HNRNPUL2: variants seen among roughly 807,000 people sequenced by gnomAD.
HNRNPUL2 encodes the protein heterogeneous nuclear ribonucleoprotein U like 2, also known as heterogeneous nuclear ribonucleoprotein U-like protein 2.
Under a neutral mutation model 102.2 loss-of-function variants are expected in HNRNPUL2, and 27 were observed. That is an observed-to-expected ratio of 0.26 (90% CI 0.19 to 0.36). HNRNPUL2 has a LOEUF of 0.36. HNRNPUL2 is among the 10% of genes least tolerant of loss of function. HNRNPUL2 has a pLI of 1.00. For missense variants in HNRNPUL2, 936 were observed against 981.1 expected, an observed-to-expected ratio of 0.95 and a Z score of 0.61; for synonymous variants, 458 against 387.2, an observed-to-expected ratio of 1.18 and a Z score of -2.15.
intron 4 of HNRNPUL2, 103 bp from the exon 5 acceptor site, chr11:62,723,006 C>T (rs1158040584): frequency 3.8e-6 from 3 of 783,706 alleles, no homozygotes; most frequent in Non-Finnish European, 6.4e-6. Flanking sequence ...ACGACATTTA[C>T]CTCAACTCAA....
chr11:62,718,150 G>C (rs1406960533), intron 10 of HNRNPUL2, among the ~76,000 whole-genome samples: 1 of 152,126 alleles, frequency 6.6e-6, no homozygotes, highest in Non-Finnish European at 1.5e-5. Flanking sequence ...TATTTGAAGA[G>C]CAAGCAGTTG....
At position 62,726,898 on chromosome 11, in the gene HNRNPUL2, C is replaced by G; in HGVS notation, c.259G>C (p.Glu87Gln). The G allele has an allele frequency of 6.4e-7, 1 of 1,560,700 alleles. No homozygotes were observed. Among genetic ancestry groups the G allele is most frequent in the African/African-American group, 1.4e-5 (1 of 71,896 alleles). The change falls in exon 1 of 14, where the codon GAG becomes CAG. Residue 87 changes from glutamate (E) to glutamine (Q), a missense_variant. Physicochemically the swap from Glu to Gln is conservative, Grantham distance 29 (BLOSUM62 2). Transcript: ENST00000301785. ...EDEEEEEEDE[E>Q]ALLEDEDEEP... Reference sequence around the variant, plus strand: ...TCGTCCTCGTCCTCAAGCAGCGCCTCCTCGTCCTCCTCCTCCTCCTCTTCG... The same window carrying G: ...TCGTCCTCGTCCTCAAGCAGCGCCTGCTCGTCCTCCTCCTCCTCCTCTTCG...
chr11:62,713,503 A>G lies in HNRNPUL2; in HGVS notation c.*1796T>C, dbSNP rs2083634585. The G allele has an allele frequency of 6.6e-6, 1 of 152,262 alleles. No individual in the cohort carries two copies. Among genetic ancestry groups the G allele is most frequent in the Non-Finnish European group, 1.5e-5 (1 of 68,038 alleles). 9.4% of individuals were successfully genotyped at this position (152,262 alleles called of 1,614,324 possible). A position where few individuals can be genotyped will look rare whatever the true frequency, so the allele number is the denominator to read the frequency against. On this transcript the variant is annotated 3_prime_UTR_variant, in exon 14 of 14. Coordinates refer to ENST00000301785, the MANE Select transcript of HNRNPUL2 (RefSeq NM_001079559.3). The stretch of plus-strand genomic sequence containing the variant: ...AGGACACCGCAGGGAAGCAGGTGCC[A>G]AGAGAAAGGACATGACTATGAGTAA...
chr11:62,721,348 T>C lies in HNRNPUL2; in HGVS notation c.1558A>G (p.Ser520Gly), dbSNP rs1317662336. 1 of 1,610,506 alleles carries C rather than the reference T, an allele frequency of 6.2e-7. No homozygotes were observed. The highest frequency in any genetic ancestry group is 8.5e-7 in the Non-Finnish European group (1 of 1,178,930). Residue 520 changes from serine to glycine, a missense_variant, in exon 9 of 14, where the codon AGT becomes GGT. By Grantham distance (56) the Ser-to-Gly change is moderately conservative. Coordinates refer to ENST00000301785, the MANE Select transcript of HNRNPUL2 (RefSeq NM_001079559.3). ...CGGGAAGCAATCTGGACCAGCTTAC[T>C]AAGGCACTGGGAGGCTTGCTGAACT... ...LLVQQASQCL[S>G]KLVQIASRTK...
Position 62,712,657 on chromosome 11 carries a change from C to T in HNRNPUL2, c.*2642G>A, listed in dbSNP as rs2083628741. The T allele has an allele frequency of 6.6e-6, 1 of 152,212 alleles. No individual in the cohort carries two copies. Among genetic ancestry groups the T allele is most frequent in the Admixed American group, 6.5e-5 (1 of 15,284 alleles). The allele number at this position is 152,212 out of a possible 1,614,324, so 9.4% of individuals were successfully genotyped here. On this transcript the variant is annotated 3_prime_UTR_variant, in exon 14 of 14. Transcript: ENST00000301785. ...AATTCAATCCAAATGGTTATTTATT[C>T]TAAAACTGGAAGCTACTTTGCCTAC... is the stretch of plus-strand genomic sequence containing the variant.
Position 62,722,738 on chromosome 11 carries a change from C to T in HNRNPUL2, c.983-25G>A, listed in dbSNP as rs761741632. 4 of 1,606,956 alleles carry T rather than the reference C, an allele frequency of 2.5e-6. No individual in the cohort carries two copies. In the South Asian group the frequency reaches 3.3e-5, roughly 13 times the overall value. ...CCTAGAACAGTCAACAAATTAGTTACCTACAACCGGACTTCCCATAGAGTA... is the reference window on the plus strand; with the variant it reads ...CCTAGAACAGTCAACAAATTAGTTATCTACAACCGGACTTCCCATAGAGTA... On this transcript the variant is annotated intron_variant, in intron 5 of 13. Transcript: ENST00000301785.
intron 9 of HNRNPUL2, among the ~76,000 whole-genome samples, chr11:62,720,733 G>A (rs960975958): frequency 7.3e-5 from 11 of 150,972 alleles, no homozygotes; most frequent in African/African-American, 2.2e-4. Context: ...GCATGGTGGC[G>A]GGCACCTGTA....
intron 10 of HNRNPUL2, among the ~76,000 whole-genome samples, chr11:62,718,868 C>T (rs1470978293): frequency 2.0e-5 from 3 of 151,622 alleles, no homozygotes; most frequent in South Asian, 2.1e-4. Flanking sequence ...CTCTGTTGTC[C>T]AGGCTGGAGT....
intron 9 of HNRNPUL2, 51 bp downstream of exon 9, chr11:62,721,244 C>T (rs2083700317): frequency 2.0e-6 from 3 of 1,534,866 alleles, no homozygotes; most frequent in East Asian, 2.3e-5. Flanking sequence ...TTCAGTCTCT[C>T]TTTATATACA....
At position 62,715,519 on chromosome 11, in the gene HNRNPUL2, T is replaced by C; in HGVS notation, c.2144A>G (p.Tyr715Cys). ...ACTCACATCCCGATTGTATTGTCTG[T>C]AATAGTCTCTGTATCTGTTGTACTC... is the stretch of plus-strand genomic sequence containing the variant. Reference protein sequence around the residue: ...DYEYNRYRDYYRQYNRDWQSY... With the variant: ...DYEYNRYRDYCRQYNRDWQSY... Residue 715 changes from tyrosine (Y) to cysteine (C), a missense_variant, in exon 13 of 14, where the codon TAC becomes TGC. Coordinates refer to ENST00000301785, the MANE Select transcript of HNRNPUL2 (RefSeq NM_001079559.3). The C allele has an allele frequency of 6.2e-7, 1 of 1,611,638 alleles. No homozygotes were observed. Among genetic ancestry groups the C allele is most frequent in the Non-Finnish European group, 8.5e-7 (1 of 1,177,902 alleles).
chr11:62,723,922 A>G lies in HNRNPUL2; in HGVS notation c.743T>C (p.Leu248Pro). 1 of 1,614,016 alleles carries G rather than the reference A, an allele frequency of 6.2e-7. No homozygotes were observed. Among genetic ancestry groups the G allele is most frequent in the Non-Finnish European group, 8.5e-7 (1 of 1,179,844 alleles). Residue 248 changes from leucine (L) to proline (P), a missense_variant, in exon 3 of 14, where the codon CTG becomes CCG. Physicochemically the swap from Leu to Pro is moderately conservative, Grantham distance 98. Coordinates refer to ENST00000301785, the MANE Select transcript of HNRNPUL2 (RefSeq NM_001079559.3). ...GTCTGCCTTATACATACACGTGTCC[A>G]GGTTCACAAGAGTTTGATCCTCCTC... The part of the protein sequence containing the change: ...DEEEDQTLVN[L>P]DTYTSDLHFQ...
Position 62,721,356 on chromosome 11 carries a change from T to C in HNRNPUL2, c.1550A>G (p.Gln517Arg). The change falls in exon 9 of 14, where the codon CAG (glutamine) becomes CGG (arginine). Residue 517 changes from glutamine (Q) to arginine (R), a missense_variant. Physicochemically the swap from Gln to Arg is conservative, Grantham distance 43. Coordinates refer to ENST00000301785, the MANE Select transcript of HNRNPUL2 (RefSeq NM_001079559.3). ...AATCTGGACCAGCTTACTAAGGCACTGGGAGGCTTGCTGAACTAAAAGGTC... is the reference window on the plus strand; with the variant it reads ...AATCTGGACCAGCTTACTAAGGCACCGGGAGGCTTGCTGAACTAAAAGGTC... ...SRDLLVQQAS[Q>R]CLSKLVQIAS... The C allele has an allele frequency of 2.5e-6, 4 of 1,611,120 alleles. No homozygotes were observed. The highest frequency in any genetic ancestry group is 3.4e-6 in the Non-Finnish European group (4 of 1,179,046).
At position 62,717,032 on chromosome 11, in the gene HNRNPUL2, T is replaced by C; in HGVS notation, c.1938A>G (p.Arg646=). The C allele has an allele frequency of 6.2e-7, 1 of 1,613,884 alleles. No homozygotes were observed. Among genetic ancestry groups the C allele is most frequent in the Admixed American group, 1.7e-5 (1 of 59,986 alleles). The part of the protein sequence containing the change: ...SEKRTNRRNN[R]NKRNRQNRSR... Reference sequence around the variant, plus strand: ...TTCGGTTCTGCCGGTTACGCTTGTTTCGGTTGTTTCGGCGATTTGTCCGCT... The same window carrying C: ...TTCGGTTCTGCCGGTTACGCTTGTTCCGGTTGTTTCGGCGATTTGTCCGCT... Residue 646 remains arginine, a synonymous_variant, in exon 11 of 14, where the codon CGA becomes CGG. Coordinates refer to ENST00000301785, the MANE Select transcript of HNRNPUL2 (RefSeq NM_001079559.3).
intron 9 of HNRNPUL2, among the ~76,000 whole-genome samples, chr11:62,720,619 C>T (rs1036691778): frequency 6.7e-6 from 1 of 150,068 alleles, no homozygotes; most frequent in Non-Finnish European, 1.5e-5. Context: ...TATCCCAGCA[C>T]TTTGGGAGGC....
chr11:62,718,139 G>A (rs1313149949), intron 10 of HNRNPUL2, among the ~76,000 whole-genome samples: 1 of 152,128 alleles, frequency 6.6e-6, no homozygotes, highest in Non-Finnish European at 1.5e-5. Context: ...GGGATTATCA[G>A]TATTTGAAGA....
At chr11:62,724,241 C>T (rs753491095) in intron 2 of HNRNPUL2, 50 bp downstream of exon 2, 2 of 1,611,294 alleles carry the variant, frequency 1.2e-6, no homozygotes, top group Non-Finnish European at 8.5e-7. Flanking sequence ...ACCAGGTATA[C>T]CAAAATCAGA....
rs965872591 is a variant in HNRNPUL2 at position 62,727,228 on chromosome 11, G to C, written c.-72C>G. 7.7e-7 allele frequency: 1 copy of C among 1,298,120 alleles called. No homozygotes were observed. The highest frequency in any genetic ancestry group is 9.7e-7 in the Non-Finnish European group (1 of 1,025,676). 80.4% of individuals were successfully genotyped at this position (1,298,120 alleles called of 1,614,324 possible). A position where few individuals can be genotyped will look rare whatever the true frequency, so the allele number is the denominator to read the frequency against. On this transcript the variant is annotated 5_prime_UTR_variant, in exon 1 of 14. Coordinates refer to ENST00000301785, the MANE Select transcript of HNRNPUL2 (RefSeq NM_001079559.3). The stretch of plus-strand genomic sequence containing the variant: ...CCGTCGACCGAGTCCGACCGCGCAG[G>C]CGCCGCCGCCGCCGCCCGCCTCCGC...
chr11:62,715,650 T>C (rs1298488144), intron 12 of HNRNPUL2, 43 bp from the exon 13 acceptor site: 2 of 1,456,430 alleles, frequency 1.4e-6, no homozygotes, highest in Admixed American at 1.7e-5. Flanking sequence ...TATGGGTTTT[T>C]GGCAGCATGA....
In HNRNPUL2 at chr11:62,727,236, GCCGCCGC is replaced by G. The variant is rs1387586356; in HGVS notation, c.-87_-81del. 1.5e-6 allele frequency: 2 copies of G among 1,302,466 alleles called. No individual in the cohort carries two copies. 80.7% of individuals were successfully genotyped at this position (1,302,466 alleles called of 1,614,324 possible). ...CGAGTCCGACCGCGCAGGCGCCGCC[GCCGCCGC>G]CCGCCTCCGCCTCACGCGCCAGCAC... On this transcript the variant is annotated 5_prime_UTR_variant, in exon 1 of 14. Coordinates refer to ENST00000301785, the MANE Select transcript of HNRNPUL2 (RefSeq NM_001079559.3).
Sources: gnomAD v4.1 joint callset for allele counts (sites outside exome capture counted in the v4.1 genomes callset) on GRCh38, gnomAD v4.1.1 for gene constraint, MANE v1.5 for transcripts, NCBI Gene and HGNC (gene_info 2026-07-23, HGNC 2026-07-21) for gene names.